The following HCRTR2 variants were observed in gnomAD, a reference collection of about 807,000 sequenced individuals.
The protein encoded by HCRTR2 is orexin receptor type 2.
Under a neutral mutation model 49.0 loss-of-function variants are expected in HCRTR2, and 22 were observed. The observed-to-expected ratio is 0.45, with a 90% confidence interval of 0.32 to 0.64. The LOEUF is 0.64. Among genes scored for constraint, HCRTR2 ranks in the 30% least tolerant of loss-of-function variants. HCRTR2 has a pLI of 0.04. For missense variants in HCRTR2, 491 were observed against 559.4 expected (o/e 0.88, Z 1.23); for synonymous variants, 236 against 205.3 (o/e 1.15, Z -1.28).
chr6:55,176,725 C>T (rs749188925), intron 1 of HCRTR2, among the ~76,000 whole-genome samples: 1 of 152,062 alleles, frequency 6.6e-6, no homozygotes, highest in African/African-American at 2.4e-5. Flanking sequence ...ATTGTTATTC[C>T]ACTCTAGAGC....
chr6:55,202,784 A>G (rs1423139103), intron 1 of HCRTR2, among the ~76,000 whole-genome samples: 1 of 152,072 alleles, frequency 6.6e-6, no homozygotes, highest in Non-Finnish European at 1.5e-5. Context: ...GTTGGTAAAC[A>G]TTCAATCTAT....
chr6:55,124,368 A>G (rs1304187337), intron 1 of HCRTR2, among the ~76,000 whole-genome samples: 1 of 152,092 alleles, frequency 6.6e-6, no homozygotes, highest in East Asian at 1.9e-4. Flanking sequence ...TCACTTTGTT[A>G]TTTACCCAGT....
chr6:55,223,559 C>CT (rs1765939642), intron 1 of HCRTR2, among the ~76,000 whole-genome samples: 1 of 152,054 alleles, frequency 6.6e-6, no homozygotes, highest in African/African-American at 2.4e-5. Context: ...AGAAAAGGGT[C>CT]TTTTTATTAC....
chr6:55,264,127 T>C (rs1208856665), intron 4 of HCRTR2, among the ~76,000 whole-genome samples: 1 of 152,078 alleles, frequency 6.6e-6, no homozygotes, highest in African/African-American at 2.4e-5. Context: ...ATTAATTGTC[T>C]TTTGTCTAGG....
intron 1 of HCRTR2, among the ~76,000 whole-genome samples, chr6:55,209,659 T>C (rs535905376): frequency 1.3e-3 from 204 of 152,292 alleles, no homozygotes; most frequent in African/African-American, 4.8e-3. Flanking sequence ...GTATTATACA[T>C]CCCCAAAGAA....
At chr6:55,174,326 T>A, upstream of HCRTR2, 1 of 516,804 alleles carries the variant, frequency 1.9e-6, no homozygotes, top group Non-Finnish European at 3.5e-6. Flanking sequence ...GTGTCATTGC[T>A]GCAGCCTCCA....
intron 1 of HCRTR2, among the ~76,000 whole-genome samples, chr6:55,107,400 A>G (rs944677377): frequency 1.3e-5 from 2 of 152,052 alleles, no homozygotes; most frequent in Non-Finnish European, 2.9e-5. Context: ...CCATACATTT[A>G]TGAATATATA....
At chr6:55,128,806 A>G (rs568955660) in intron 1 of HCRTR2, among the ~76,000 whole-genome samples, 3 of 152,272 alleles carry the variant, frequency 2.0e-5, no homozygotes, top group African/African-American at 7.2e-5. Context: ...CCACTGTAGC[A>G]CACTAGTATT....
At chr6:55,212,540 C>G (rs553816389) in intron 1 of HCRTR2, among the ~76,000 whole-genome samples, 1 of 152,204 alleles carries the variant, frequency 6.6e-6, no homozygotes, top group South Asian at 2.1e-4. Flanking sequence ...AAAGCAGAAA[C>G]AGGAGAAGAT....
intron 1 of HCRTR2, among the ~76,000 whole-genome samples, chr6:55,211,859 A>G (rs1025987094): frequency 1.3e-5 from 2 of 152,108 alleles, no homozygotes; most frequent in Non-Finnish European, 2.9e-5. Context: ...ATGCTGTGCT[A>G]ATGTCACAAT....
At chr6:55,175,747 G>A (rs1765029347) in intron 1 of HCRTR2, among the ~76,000 whole-genome samples, 1 of 152,060 alleles carries the variant, frequency 6.6e-6, no homozygotes, top group African/African-American at 2.4e-5. Flanking sequence ...TGAGTGCGAT[G>A]ATGGAATGTA....
At chr6:55,163,258 C>A (rs7751605) in intron 1 of HCRTR2, among the ~76,000 whole-genome samples, 113,347 of 141,094 alleles carry the variant, frequency 0.8, 43,499 homozygotes, top group Middle Eastern at 0.88. Flanking sequence ...AAACAAACAA[C>A]AAAAAAAAAA....
At chr6:55,165,126 C>T (rs1764858353) in intron 1 of HCRTR2, among the ~76,000 whole-genome samples, 1 of 150,958 alleles carries the variant, frequency 6.6e-6, no homozygotes, top group East Asian at 2.0e-4. Flanking sequence ...TCAGAGGAGA[C>T]AAAAGAAGAA....
intron 1 of HCRTR2, among the ~76,000 whole-genome samples, chr6:55,150,707 T>G (rs887927693): frequency 2.0e-5 from 3 of 152,004 alleles, no homozygotes; most frequent in African/African-American, 7.2e-5. Flanking sequence ...TTTTATGTAT[T>G]TATCATATTT....
At chr6:55,174,354 C>T (rs1764995513), upstream of HCRTR2, 1 of 558,958 alleles carries the variant, frequency 1.8e-6, no homozygotes, top group Admixed American at 2.8e-5. Flanking sequence ...GTCCCTAGTT[C>T]CTCAGCTGCC....
rs1562032605 is a variant in HCRTR2 at position 55,280,352 on chromosome 6, A to T, written c.1013A>T (p.Asp338Val). Residue 338 changes from aspartate to valine, a missense_variant, in exon 6 of 7, where the codon GAC (aspartate) becomes GTC (valine). Asp to Val is a radical substitution (Grantham distance 152). Transcript: ENST00000370862. ...TTTGGGATGTTTGCCCATACTGAAG[A>T]CAGAGAGACTGTGTATGCCTGGTTT... ...RVFGMFAHTE[D>V]RETVYAWFTF... 6.2e-7 allele frequency: 1 copy of T among 1,611,174 alleles called. No homozygotes were observed.
chr6:55,219,236 C>G (rs1364248790), intron 1 of HCRTR2, among the ~76,000 whole-genome samples: 1 of 152,150 alleles, frequency 6.6e-6, no homozygotes, highest in East Asian at 1.9e-4. Flanking sequence ...CTAACAGCAC[C>G]AGAATATGCA....
At chr6:55,236,869 T>C (rs1360999689) in intron 1 of HCRTR2, among the ~76,000 whole-genome samples, 1 of 152,168 alleles carries the variant, frequency 6.6e-6, no homozygotes, top group Non-Finnish European at 1.5e-5. Context: ...TTAGATAATG[T>C]ATTTGCCTTG....
At chr6:55,226,908 A>G (rs1766019749) in intron 1 of HCRTR2, among the ~76,000 whole-genome samples, 1 of 151,990 alleles carries the variant, frequency 6.6e-6, no homozygotes, top group Non-Finnish European at 1.5e-5. Flanking sequence ...ACATTATCAA[A>G]GAATTCATGA....
Sources: gnomAD v4.1 joint callset for allele counts (sites outside exome capture counted in the v4.1 genomes callset) on GRCh38, gnomAD v4.1.1 for gene constraint, MANE v1.5 for transcripts, NCBI Gene and HGNC (gene_info 2026-07-23, HGNC 2026-07-21) for gene names.